The following TMEFF2 variants were observed in gnomAD, a reference collection of about 807,000 sequenced individuals.
TMEFF2 encodes transmembrane protein with EGF like and two follistatin like domains 2, also known as tomoregulin-2.
TMEFF2 carries 28 observed loss-of-function variants against 53.8 expected under a neutral mutation model. The ratio of observed to expected loss-of-function variants is 0.52; its 90% CI spans 0.39 to 0.71. TMEFF2 has a LOEUF of 0.71. Ranked by LOEUF, TMEFF2 falls within the 30% of genes least tolerant of loss-of-function variation. The pLI is 0.00. For synonymous variants in TMEFF2, 162 were observed against 166.3 expected (o/e 0.97, Z 0.20); for missense variants, 353 against 455.2 (o/e 0.78, Z 2.04).
Position 192,044,072 on chromosome 2 carries a change from C to G in TMEFF2, c.536+13607G>C, listed in dbSNP as rs978994155. 4 of 152,308 alleles carry G rather than the reference C, an allele frequency of 2.6e-5. No individual in the cohort carries two copies. In the South Asian group the frequency reaches 6.2e-4, roughly 24 times the overall value. The allele number at this position is 152,308 out of a possible 1,614,324, so 9.4% of individuals were successfully genotyped here. A position where few individuals can be genotyped will look rare whatever the true frequency, so the allele number is the denominator to read the frequency against. ...CTAGCAAATGCCTTTTTCTCCTTACCTCTCAATAAGAACAACCAGAATCAG... is the reference window on the plus strand; with the variant it reads ...CTAGCAAATGCCTTTTTCTCCTTACGTCTCAATAAGAACAACCAGAATCAG... On this transcript the variant is annotated intron_variant, in intron 5 of 9. Transcript: ENST00000272771.
chr2:192,110,460 C>A (rs373596659), intron 4 of TMEFF2, among the ~76,000 whole-genome samples: 29 of 152,200 alleles, frequency 1.9e-4, no homozygotes, highest in African/African-American at 6.7e-4. Context: ...TAGCTGATAT[C>A]CTTCATCTTT....
chr2:192,065,603 T>G (rs1688150963), intron 4 of TMEFF2, among the ~76,000 whole-genome samples: 1 of 151,796 alleles, frequency 6.6e-6, no homozygotes, highest in African/African-American at 2.4e-5. Flanking sequence ...GTCTGTGTTT[T>G]TTTCTTAAAT....
chr2:191,976,855 T>A (rs964913263), intron 7 of TMEFF2, among the ~76,000 whole-genome samples: 2 of 151,926 alleles, frequency 1.3e-5, no homozygotes, highest in Admixed American at 1.3e-4. Context: ...GGCTTGGGAG[T>A]TTGAATGTCT....
intron 4 of TMEFF2, among the ~76,000 whole-genome samples, chr2:192,133,136 TC>T (rs1226695621): frequency 6.6e-6 from 1 of 152,020 alleles, no homozygotes; most frequent in African/African-American, 2.4e-5. Context: ...TTTTAAGCAC[TC>T]CTTTTTAGTT....
At chr2:191,993,947 C>T (rs1686164885) in intron 7 of TMEFF2, among the ~76,000 whole-genome samples, 1 of 152,018 alleles carries the variant, frequency 6.6e-6, no homozygotes, top group Non-Finnish European at 1.5e-5. Flanking sequence ...TGTCTTTTGT[C>T]TCTGAACTTA....
At chr2:192,015,481 G>T (rs1237001939) in intron 5 of TMEFF2, among the ~76,000 whole-genome samples, 2 of 151,572 alleles carry the variant, frequency 1.3e-5, no homozygotes, top group Non-Finnish European at 2.9e-5. Context: ...CACACATTAG[G>T]GTCTACTGTT....
At chr2:192,106,503 C>T (rs1689152764) in intron 4 of TMEFF2, among the ~76,000 whole-genome samples, 1 of 151,382 alleles carries the variant, frequency 6.6e-6, no homozygotes, top group Admixed American at 6.6e-5. Flanking sequence ...AAAACACTGA[C>T]AACACTTAGC....
At chr2:192,187,528 T>A (rs1559163770) in intron 2 of TMEFF2, among the ~76,000 whole-genome samples, 2 of 152,192 alleles carry the variant, frequency 1.3e-5, no homozygotes, top group Non-Finnish European at 2.9e-5. Context: ...TTTTTAGTAG[T>A]ATTCATGATA....
At chr2:192,176,210 A>G (rs1439444925) in intron 4 of TMEFF2, among the ~76,000 whole-genome samples, 1 of 151,372 alleles carries the variant, frequency 6.6e-6, no homozygotes, top group African/African-American at 2.4e-5. Context: ...AATTTGGACC[A>G]CATATTACCT....
At chr2:192,037,616 AAGAGAGAGAGG>A (rs1559096847) in intron 5 of TMEFF2, among the ~76,000 whole-genome samples, 1 of 107,544 alleles carries the variant, frequency 9.3e-6, no homozygotes, top group East Asian at 4.9e-4. Context: ...GTGAGAGAGA[AAGAGAGAGAGG>A]AGAGAAAGAG....
intron 4 of TMEFF2, among the ~76,000 whole-genome samples, chr2:192,153,138 A>T (rs1034928841): frequency 1.3e-5 from 2 of 151,542 alleles, no homozygotes; most frequent in Non-Finnish European, 3.0e-5. Flanking sequence ...AATAAATCTA[A>T]GAGTTAGTTT....
chr2:192,158,535 A>C (rs910878072), intron 4 of TMEFF2, among the ~76,000 whole-genome samples: 1 of 152,156 alleles, frequency 6.6e-6, no homozygotes, highest in Middle Eastern at 3.2e-3. Context: ...CATTTACATC[A>C]GAATATCACA....
chr2:192,002,938 ACT>A (rs1346804198), intron 5 of TMEFF2, among the ~76,000 whole-genome samples: 1 of 152,152 alleles, frequency 6.6e-6, no homozygotes, highest in South Asian at 2.1e-4. Context: ...AGACCAATAA[ACT>A]CTGATTACAT....
intron 1 of TMEFF2, among the ~76,000 whole-genome samples, chr2:192,193,902 C>T (rs1328367349): frequency 6.6e-6 from 1 of 152,026 alleles, no homozygotes; most frequent in Non-Finnish European, 1.5e-5. Context: ...CAGGAATCAG[C>T]GATTCCCCTG....
At chr2:191,998,451 C>A in intron 6 of TMEFF2, 130 bp from the exon 7 acceptor site, 1 of 566,760 alleles carries the variant, frequency 1.8e-6, no homozygotes, top group African/African-American at 2.0e-5. Context: ...TCTAAGCAAC[C>A]TGCATCATAC....
At chr2:192,099,145 T>C (rs1474563490) in intron 4 of TMEFF2, among the ~76,000 whole-genome samples, 1 of 152,142 alleles carries the variant, frequency 6.6e-6, no homozygotes, top group Non-Finnish European at 1.5e-5. Flanking sequence ...TTCCCTATTT[T>C]CCTTCCCTTT....
chr2:191,970,321 T>G (rs1027326190), intron 7 of TMEFF2, among the ~76,000 whole-genome samples: 3 of 152,008 alleles, frequency 2.0e-5, no homozygotes, highest in Non-Finnish European at 4.4e-5. Flanking sequence ...TTACCCCAAA[T>G]TCACATTCAC....
At chr2:192,075,541 AT>A (rs1407937946) in intron 4 of TMEFF2, among the ~76,000 whole-genome samples, 1 of 151,320 alleles carries the variant, frequency 6.6e-6, no homozygotes, top group Non-Finnish European at 1.5e-5. Flanking sequence ...CAGGTCTCTC[AT>A]TACTAGCAGT....
chr2:192,168,666 T>G (rs1690830712), intron 4 of TMEFF2, among the ~76,000 whole-genome samples: 1 of 152,106 alleles, frequency 6.6e-6, no homozygotes, highest in African/African-American at 2.4e-5. Flanking sequence ...TTGTTGCTGG[T>G]TTTCAGTCAT....
Sources: gnomAD v4.1 joint callset for allele counts (sites outside exome capture counted in the v4.1 genomes callset) on GRCh38, gnomAD v4.1.1 for gene constraint, MANE v1.5 for transcripts, NCBI Gene and HGNC (gene_info 2026-07-23, HGNC 2026-07-21) for gene names.